The following SGCD variants were observed in gnomAD, a reference collection of about 807,000 sequenced individuals.
SGCD encodes sarcoglycan delta.
SGCD carries 18 observed loss-of-function variants against 36.6 expected under a neutral mutation model. The observed-to-expected ratio is 0.49, with a 90% confidence interval of 0.34 to 0.73. SGCD has a LOEUF of 0.73. SGCD is among the 30% of genes least tolerant of loss of function. The pLI, the probability that SGCD is intolerant of heterozygous loss-of-function variation, is 0.01. For synonymous variants in SGCD, 133 were observed against 130.6 expected (o/e 1.02, Z -0.12); for missense variants, 387 against 346.7 (o/e 1.12, Z -0.92).
intron 4 of SGCD, among the ~76,000 whole-genome samples, chr5:156,547,456 C>A (rs74507663): frequency 7.6e-5 from 8 of 105,416 alleles, no homozygotes; most frequent in Non-Finnish European, 1.2e-4. Flanking sequence ...TTTTTTTTTT[C>A]TTTTGAGATG....
intron 3 of SGCD, among the ~76,000 whole-genome samples, chr5:156,451,394 T>C (rs976504366): frequency 6.6e-6 from 1 of 152,102 alleles, no homozygotes; most frequent in East Asian, 1.9e-4. Context: ...TTAATAGATA[T>C]TATGTTCAGA....
At chr5:156,600,216 T>A (rs1761134699) in intron 6 of SGCD, among the ~76,000 whole-genome samples, 1 of 152,340 alleles carries the variant, frequency 6.6e-6, no homozygotes, top group Admixed American at 6.5e-5. Context: ...AACTTACTGT[T>A]AACTGTAGTC....
chr5:155,841,034 A>ACGGGGGCT, the SGCD span, among the ~76,000 whole-genome samples: 21 of 133,566 alleles, frequency 1.6e-4, no homozygotes, highest in East Asian at 4.6e-4. Flanking sequence ...AAAAAAAAAG[A>ACGGGGGCT]CTGGGGCACT....
intron 1 of SGCD, among the ~76,000 whole-genome samples, chr5:156,328,518 G>A (rs1158277789): frequency 6.6e-6 from 1 of 152,212 alleles, no homozygotes; most frequent in Non-Finnish European, 1.5e-5. Flanking sequence ...AGAAGAGCCT[G>A]AAGTTAATGC....
At chr5:156,151,832 C>CT (rs11284006) in intron 3 of SGCD, among the ~76,000 whole-genome samples, 17 of 149,538 alleles carry the variant, frequency 1.1e-4, no homozygotes, top group Non-Finnish European at 2.1e-4. Context: ...TCTTCTTCTT[C>CT]TTTTTTTTTT....
chr5:156,240,858 C>T (rs927639714), intron 3 of SGCD, among the ~76,000 whole-genome samples: 1 of 152,170 alleles, frequency 6.6e-6, no homozygotes, highest in Non-Finnish European at 1.5e-5. Context: ...TAAGAAAACA[C>T]TGGCTCTTCA....
intron 6 of SGCD, among the ~76,000 whole-genome samples, chr5:156,604,552 A>G (rs1267551307): frequency 2.6e-5 from 4 of 151,788 alleles, no homozygotes; most frequent in Non-Finnish European, 4.4e-5. Context: ...TTATAGTTAC[A>G]ATAGGTTATT....
the SGCD span, among the ~76,000 whole-genome samples, chr5:155,859,062 T>C: frequency 1.3e-5 from 2 of 151,974 alleles, no homozygotes; most frequent in Non-Finnish European, 2.9e-5. Flanking sequence ...GGTTTTCTTT[T>C]CTTTTCTTTT....
chr5:156,754,091 C>T (rs967919456), intron 7 of SGCD, among the ~76,000 whole-genome samples: 3 of 152,174 alleles, frequency 2.0e-5, no homozygotes, highest in Non-Finnish European at 4.4e-5. Context: ...CCTTTCTCAC[C>T]ACCCTGGTTC....
intron 3 of SGCD, among the ~76,000 whole-genome samples, chr5:156,438,880 C>G (rs1753366610): frequency 6.6e-6 from 1 of 152,100 alleles, no homozygotes; most frequent in Non-Finnish European, 1.5e-5. Context: ...GTGGTAAAGG[C>G]TGTTTAAGCT....
At chr5:156,625,232 T>A (rs1762397760) in intron 6 of SGCD, among the ~76,000 whole-genome samples, 1 of 152,156 alleles carries the variant, frequency 6.6e-6, no homozygotes. Context: ...TTTCTTGTCA[T>A]GGGTGCCTTT....
chr5:156,434,242 A>G (rs921348096), intron 3 of SGCD, among the ~76,000 whole-genome samples: 1 of 152,242 alleles, frequency 6.6e-6, no homozygotes, highest in Non-Finnish European at 1.5e-5. Flanking sequence ...TTATTAAAAC[A>G]TCATGATCTA....
intron 3 of SGCD, among the ~76,000 whole-genome samples, chr5:156,246,533 G>A (rs1051671701): frequency 1.3e-5 from 2 of 152,062 alleles, no homozygotes; most frequent in Admixed American, 6.5e-5. Context: ...TTTCACATAT[G>A]CTGAACAGAT....
At chr5:155,768,009 A>C in the SGCD span, among the ~76,000 whole-genome samples, 2 of 152,206 alleles carry the variant, frequency 1.3e-5, no homozygotes, top group Admixed American at 6.5e-5. Context: ...TAAAATGAAT[A>C]TATATTGAAG....
the SGCD span, among the ~76,000 whole-genome samples, chr5:155,736,094 C>T: frequency 6.6e-6 from 1 of 152,166 alleles, no homozygotes; most frequent in Non-Finnish European, 1.5e-5. Context: ...ACTACATCCT[C>T]AGACACAGAA....
rs1160680799 is a variant in SGCD at position 156,759,261 on chromosome 5, T to G, written c.744T>G (p.His248Gln). 2 of 1,613,826 alleles carry G rather than the reference T, an allele frequency of 1.2e-6. No individual in the cohort carries two copies. The highest frequency in any genetic ancestry group is 1.7e-6 in the Non-Finnish European group (2 of 1,179,764). ...AAATCAGGCTACCTAGACTGCCTCA[T>G]GGATCCTACACGCCTACAGGAACGA... is the stretch of plus-strand genomic sequence containing the variant. ...AAKIRLPRLP[H>Q]GSYTPTGTRQ... Residue 248 changes from histidine to glutamine, a missense_variant, in exon 9 of 9, where the codon CAT becomes CAG. By Grantham distance (24) the His-to-Gln change is conservative (BLOSUM62 0). Coordinates refer to ENST00000337851, the MANE Select transcript of SGCD (RefSeq NM_000337.6).
At chr5:156,342,229 G>C (rs1345291597) in intron 2 of SGCD, among the ~76,000 whole-genome samples, 1 of 152,148 alleles carries the variant, frequency 6.6e-6, no homozygotes, top group South Asian at 2.1e-4. Context: ...TGACACCATC[G>C]ATTGGGTTGA....
chr5:156,571,390 C>T (rs1297800704), intron 4 of SGCD, among the ~76,000 whole-genome samples: 1 of 152,004 alleles, frequency 6.6e-6, no homozygotes, highest in African/African-American at 2.4e-5. Context: ...GTCTTTCTTT[C>T]TGGCAGTTTC....
the SGCD span, among the ~76,000 whole-genome samples, chr5:155,843,588 T>C: frequency 6.6e-6 from 1 of 152,336 alleles, no homozygotes; most frequent in South Asian, 2.1e-4. Context: ...AGGCTCAACA[T>C]TTACATGCAC....
Sources: gnomAD v4.1 joint callset for allele counts (sites outside exome capture counted in the v4.1 genomes callset) on GRCh38, gnomAD v4.1.1 for gene constraint, MANE v1.5 for transcripts, NCBI Gene and HGNC (gene_info 2026-07-23, HGNC 2026-07-21) for gene names.